Variants in ZFHX3 observed in about 807,000 individuals in gnomAD.
ZFHX3 encodes zinc finger homeobox 3.
Under a neutral mutation model 279.1 loss-of-function variants are expected in ZFHX3, and 42 were observed. The ratio of observed to expected loss-of-function variants is 0.15; its 90% CI spans 0.12 to 0.19. The LOEUF is 0.19. Among genes scored for constraint, ZFHX3 ranks in the 10% least tolerant of loss-of-function variants. The pLI is 1.00. For missense variants in ZFHX3, 4,981 were observed against 4,754.0 expected (o/e 1.05, Z -1.40); for synonymous variants, 2,293 against 1,957.8 (o/e 1.17, Z -4.52).
At chr16:72,930,524 G>A (rs1194083683) in intron 3 of ZFHX3, among the ~76,000 whole-genome samples, 1 of 152,076 alleles carries the variant, frequency 6.6e-6, no homozygotes, top group African/African-American at 2.4e-5. Context: ...CCTAAGACCC[G>A]AAATGATCTG....
intron 3 of ZFHX3, among the ~76,000 whole-genome samples, chr16:73,380,488 G>A (rs904734672): frequency 3.9e-5 from 6 of 152,152 alleles, no homozygotes; most frequent in African/African-American, 1.4e-4. Context: ...TATCACTTTT[G>A]TGTTGATATA....
intron 2 of ZFHX3, among the ~76,000 whole-genome samples, chr16:73,638,352 G>T (rs1040631324): frequency 3.3e-5 from 5 of 152,134 alleles, no homozygotes; most frequent in African/African-American, 1.2e-4. Flanking sequence ...GGATTGTCAA[G>T]GAGCACGAAT....
At chr16:73,497,266 C>A (rs909733637) in intron 2 of ZFHX3, among the ~76,000 whole-genome samples, 2 of 152,230 alleles carry the variant, frequency 1.3e-5, no homozygotes, top group African/African-American at 4.8e-5. Flanking sequence ...TTTAACCAGT[C>A]CTCAGCCACT....
intron 2 of ZFHX3, among the ~76,000 whole-genome samples, chr16:72,952,846 C>T (rs925193702): frequency 1.4e-4 from 22 of 152,134 alleles, no homozygotes; most frequent in Admixed American, 6.5e-4. Context: ...TAGAAGCGTA[C>T]GGTCAAGCAG....
chr16:73,258,660 T>A (rs925035151), intron 4 of ZFHX3, among the ~76,000 whole-genome samples: 1 of 152,178 alleles, frequency 6.6e-6, no homozygotes, highest in African/African-American at 2.4e-5. Flanking sequence ...TATGACATAT[T>A]TTAAGCATTT....
At chr16:73,295,017 T>C (rs911196184) in intron 4 of ZFHX3, among the ~76,000 whole-genome samples, 2 of 151,800 alleles carry the variant, frequency 1.3e-5, no homozygotes, top group Non-Finnish European at 2.9e-5. Flanking sequence ...ATCGAGACCA[T>C]CCTGGCTAAC....
At chr16:73,603,989 G>T (rs949784969) in intron 2 of ZFHX3, among the ~76,000 whole-genome samples, 1 of 151,800 alleles carries the variant, frequency 6.6e-6, no homozygotes, top group Non-Finnish European at 1.5e-5. Context: ...ATGTTGGCCA[G>T]GCTGCTCTCG....
At chr16:73,006,681 G>GAGGAAAGGA (rs140891517) in intron 1 of ZFHX3, among the ~76,000 whole-genome samples, 1 of 151,482 alleles carries the variant, frequency 6.6e-6, no homozygotes, top group Admixed American at 6.6e-5. Flanking sequence ...AGGAAGGAAA[G>GAGGAAAGGA]AGGAAAGGAA....
chr16:73,640,603 T>C (rs967372330), intron 2 of ZFHX3, among the ~76,000 whole-genome samples: 1 of 151,950 alleles, frequency 6.6e-6, no homozygotes, highest in Admixed American at 6.6e-5. Context: ...TGTTTAAAAA[T>C]CAAGTTGAAT....
At chr16:73,232,294 C>T (rs964197968) in intron 5 of ZFHX3, 5 of 152,196 alleles carry the variant, frequency 3.3e-5, no homozygotes, top group African/African-American at 1.2e-4. Flanking sequence ...ACATTTTCCC[C>T]AGATCAATAT....
chr16:72,806,506 A>AT lies in ZFHX3; in HGVS notation c.3864+5070dup, dbSNP rs565250924. The stretch of plus-strand genomic sequence containing the variant: ...GGCAAACAGGCTCCAAATGGCTATC[A>AT]TCTCACAGGGCTTGGAATTAATGAA... On this transcript the variant is annotated intron_variant, in intron 7 of 9. Coordinates refer to ENST00000268489, the MANE Select transcript of ZFHX3 (RefSeq NM_006885.4). Among the ~76,000 whole-genome samples the AT allele has an allele frequency of 1.8e-4, 27 of 152,300 alleles. 1 individual carries two copies. Among genetic ancestry groups the AT allele is most frequent in the Admixed American group, 1.7e-3 (26 of 15,294 alleles).
intron 1 of ZFHX3, among the ~76,000 whole-genome samples, chr16:73,788,226 C>G (rs548018043): frequency 6.6e-6 from 1 of 152,304 alleles, no homozygotes; most frequent in East Asian, 1.9e-4. Context: ...CACGACCTCA[C>G]TCTCCTCCTG....
intron 1 of ZFHX3, among the ~76,000 whole-genome samples, chr16:73,725,268 C>A (rs1465810720): frequency 6.6e-6 from 1 of 152,128 alleles, no homozygotes; most frequent in East Asian, 1.9e-4. Flanking sequence ...ATTTCTTGGC[C>A]CAGCCTGATT....
rs2144450912 is a variant in ZFHX3 at position 72,959,326 on chromosome 16, G to A, written c.820C>T (p.Leu274Phe). 1 of 1,614,230 alleles carries A rather than the reference G, an allele frequency of 6.2e-7. No homozygotes were observed. The highest frequency in any genetic ancestry group is 8.5e-7 in the Non-Finnish European group (1 of 1,180,040). Residue 274 changes from leucine (L) to phenylalanine (F), a missense_variant, in exon 2 of 10, where the codon CTC becomes TTC. Leu to Phe is a conservative substitution (Grantham distance 22, BLOSUM62 0). Transcript: ENST00000268489. ...AGGATGGGCTTCCTCTTGCCATAGAGCACAAAGCCATCGAATTTGGACAGG... is the reference window on the plus strand; with the variant it reads ...AGGATGGGCTTCCTCTTGCCATAGAACACAAAGCCATCGAATTTGGACAGG... The part of the protein sequence containing the change: ...VDLSKFDGFV[L>F]YGKRKPILMC...
chr16:73,430,522 C>T (rs950627118), intron 3 of ZFHX3, among the ~76,000 whole-genome samples: 20 of 152,136 alleles, frequency 1.3e-4, no homozygotes, highest in Admixed American at 3.9e-4. Flanking sequence ...TTGCACATGG[C>T]GCTTCTGCGG....
In ZFHX3 at chr16:72,788,134, C is replaced by CGCTGCT. The variant is rs372741038; in HGVS notation, c.10136_10141dup (p.Gln3379_Gln3380dup). ...TTGCTGCTGCTGCTGCTGTAGTTGCCGCTGCTGCTGCTGCTGAATTGCCTC... is the reference window on the plus strand; with the variant it reads ...TTGCTGCTGCTGCTGCTGTAGTTGCCGCTGCTGCTGCTGCTGCTGCTGAATTGCCTC... On this transcript the variant is annotated inframe_insertion, in exon 10 of 10. Transcript: ENST00000268489. The CGCTGCT allele has an allele frequency of 1.4e-5, 23 of 1,596,492 alleles. No homozygotes were observed. The highest frequency in any genetic ancestry group is 8.4e-5 in the Admixed American group (5 of 59,566).
chr16:73,720,606 G>A (rs2053464993), intron 1 of ZFHX3, among the ~76,000 whole-genome samples: 1 of 152,112 alleles, frequency 6.6e-6, no homozygotes, highest in Non-Finnish European at 1.5e-5. Flanking sequence ...ATAATTCTGT[G>A]ATGTCCATAA....
chr16:73,805,760 G>A (rs1960259953), intron 1 of ZFHX3, among the ~76,000 whole-genome samples: 1 of 152,206 alleles, frequency 6.6e-6, no homozygotes, highest in African/African-American at 2.4e-5. Context: ...ACAAAAAGAT[G>A]CACGTATAAT....
At chr16:73,208,941 T>C (rs1446238581) in intron 5 of ZFHX3, among the ~76,000 whole-genome samples, 26 of 152,244 alleles carry the variant, frequency 1.7e-4, no homozygotes, top group Admixed American at 1.7e-3. Context: ...GTATCATCCT[T>C]TTATTGGGTT....
Sources: gnomAD v4.1 joint callset for allele counts (sites outside exome capture counted in the v4.1 genomes callset) on GRCh38, gnomAD v4.1.1 for gene constraint, MANE v1.5 for transcripts, NCBI Gene and HGNC (gene_info 2026-07-23, HGNC 2026-07-21) for gene names.